Variants in GPC6 observed in about 807,000 individuals in gnomAD.
The protein encoded by GPC6 is glypican 6.
Under a neutral mutation model 55.2 loss-of-function variants are expected in GPC6, and 14 were observed. The ratio of observed to expected loss-of-function variants is 0.25; its 90% CI spans 0.17 to 0.40. GPC6 has a LOEUF of 0.40. Ranked by LOEUF, GPC6 falls within the 10% of genes least tolerant of loss-of-function variation. GPC6 has a pLI of 1.00. For missense variants in GPC6, 641 were observed against 708.5 expected (o/e 0.90, Z 1.08); for synonymous variants, 278 against 259.6 (o/e 1.07, Z -0.68).
chr13:93,457,530 G>C (rs1878500753), intron 1 of GPC6, among the ~76,000 whole-genome samples: 1 of 152,090 alleles, frequency 6.6e-6, no homozygotes, highest in Non-Finnish European at 1.5e-5. Flanking sequence ...TGGGGTTCTT[G>C]GTACTTCTTC....
intron 2 of GPC6, among the ~76,000 whole-genome samples, chr13:93,620,584 A>G (rs1214768967): frequency 1.3e-5 from 2 of 152,192 alleles, no homozygotes; most frequent in African/African-American, 4.8e-5. Context: ...GATGTTTTCA[A>G]TTACCATTAA....
At chr13:93,712,921 C>T (rs1299928203) in intron 2 of GPC6, among the ~76,000 whole-genome samples, 2 of 150,544 alleles carry the variant, frequency 1.3e-5, no homozygotes, top group African/African-American at 2.4e-5. Context: ...TGTATTAAGC[C>T]GCATTTTAAA....
chr13:93,556,380 G>A (rs1875469696), intron 2 of GPC6, among the ~76,000 whole-genome samples: 1 of 4,988 alleles, frequency 2.0e-4, no homozygotes, highest in Admixed American at 2.3e-3. Context: ...AATAGTGTGT[G>A]TGTGTGTGTG....
At chr13:93,475,104 G>A (rs1879254947) in intron 1 of GPC6, among the ~76,000 whole-genome samples, 3 of 151,962 alleles carry the variant, frequency 2.0e-5, no homozygotes, top group South Asian at 4.1e-4. Context: ...ATCATGCCAC[G>A]ACACTCCAGT....
chr13:93,747,830 G>A (rs1884450428), intron 2 of GPC6, among the ~76,000 whole-genome samples: 1 of 152,040 alleles, frequency 6.6e-6, no homozygotes, highest in South Asian at 2.1e-4. Context: ...GTTTACCAAG[G>A]CATAACCCCA....
rs182785398 is a variant in GPC6 at position 93,341,912 on chromosome 13, T to G, written c.160+114296T>G. Reference sequence around the variant, plus strand: ...ATTGATCCATCTTGAGTTAACTTTTTTTTTCTTTCTTTTTTTTTTTTTAAG... The same window carrying G: ...ATTGATCCATCTTGAGTTAACTTTTGTTTTCTTTCTTTTTTTTTTTTTAAG... On this transcript the variant is annotated intron_variant, in intron 1 of 8. Transcript: ENST00000377047. Among the ~76,000 whole-genome samples the G allele has an allele frequency of 1.7e-3, 263 of 151,716 alleles. 1 individual carries two copies. Among genetic ancestry groups the G allele is most frequent in the Admixed American group, 0.015 (230 of 15,240 alleles).
chr13:93,948,557 T>C (rs1238273649), intron 3 of GPC6, among the ~76,000 whole-genome samples: 2 of 152,210 alleles, frequency 1.3e-5, no homozygotes, highest in Admixed American at 1.3e-4. Context: ...TAAATTGTTG[T>C]CCCTGATACA....
rs183090378 is a variant in GPC6 at position 93,837,922 on chromosome 13, G to T, written c.711+7377G>T. The stretch of plus-strand genomic sequence containing the variant: ...TGTGAAACTGAATGATGTGTGCAGG[G>T]AGCTACAAGCATGTTATCCTTGAGC... On this transcript the variant is annotated intron_variant, in intron 3 of 8. Transcript: ENST00000377047. 2.4e-4 allele frequency among the ~76,000 whole-genome samples: 37 copies of T among 152,264 alleles called. No homozygotes were observed. The East Asian group carries it at 6.2e-3, about 25-fold the overall frequency.
chr13:94,105,719 T>C (rs1886029707), intron 4 of GPC6, among the ~76,000 whole-genome samples: 2 of 152,136 alleles, frequency 1.3e-5, no homozygotes, highest in African/African-American at 4.8e-5. Context: ...AACAATTAAA[T>C]AGAAAGCAAA....
intron 6 of GPC6, among the ~76,000 whole-genome samples, chr13:94,378,010 C>A (rs1043222344): frequency 3.2e-4 from 49 of 151,878 alleles, no homozygotes; most frequent in African/African-American, 1.2e-3. Context: ...AACACATGGA[C>A]AAAGGAAGGG....
chr13:93,224,187 C>A (rs191909014), upstream of GPC6, among the ~76,000 whole-genome samples: 520 of 119,610 alleles, frequency 4.3e-3, 2 homozygotes, highest in Non-Finnish European at 6.9e-3. Context: ...CGTGAGCCAC[C>A]GCGCCCGGCC....
intron 4 of GPC6, among the ~76,000 whole-genome samples, chr13:94,059,334 A>G (rs1419747271): frequency 6.6e-6 from 1 of 151,976 alleles, no homozygotes; most frequent in South Asian, 2.1e-4. Context: ...GCCTACATGG[A>G]AGGAAATGTT....
chr13:93,564,754 T>G (rs185981050), intron 2 of GPC6, among the ~76,000 whole-genome samples: 1 of 152,210 alleles, frequency 6.6e-6, no homozygotes, highest in Non-Finnish European at 1.5e-5. Context: ...ATTTTGTACA[T>G]GAATTACTTC....
At chr13:93,886,749 A>ATTTTTT (rs34726181) in intron 3 of GPC6, among the ~76,000 whole-genome samples, 1 of 135,340 alleles carries the variant, frequency 7.4e-6, no homozygotes, top group Non-Finnish European at 1.6e-5. Context: ...AGCATCTGTC[A>ATTTTTT]TTTTTTTTTT....
At chr13:94,116,907 G>C (rs1272416380) in intron 4 of GPC6, among the ~76,000 whole-genome samples, 1 of 152,040 alleles carries the variant, frequency 6.6e-6, no homozygotes, top group Admixed American at 6.6e-5. Flanking sequence ...TCAAGGCACT[G>C]TCATAATGAG....
At chr13:94,050,248 T>A (rs1883895244) in intron 4 of GPC6, among the ~76,000 whole-genome samples, 2 of 152,194 alleles carry the variant, frequency 1.3e-5, no homozygotes, top group Admixed American at 1.3e-4. Flanking sequence ...GTGTAAATAT[T>A]TGTTGAATAA....
Position 93,227,724 on chromosome 13 carries a change from T to C in GPC6, c.160+108T>C. Reference sequence around the variant, plus strand: ...CCCCTGTTGCTGAGTTGGTGCTCACTTTCTGCCACCGCTATGGGACTCCGC... The same window carrying C: ...CCCCTGTTGCTGAGTTGGTGCTCACCTTCTGCCACCGCTATGGGACTCCGC... On this transcript the variant is annotated intron_variant, in intron 1 of 8. Coordinates refer to ENST00000377047, the MANE Select transcript of GPC6 (RefSeq NM_005708.5). This position sits in a 1 kb window ranked among gnomAD's most constrained non-coding sequence, Gnocchi z 4.3. 1.2e-6 allele frequency: 1 copy of C among 845,376 alleles called. No homozygotes were observed. The allele number at this position is 845,376 out of a possible 1,614,324, so 52.4% of individuals were successfully genotyped here.
chr13:93,778,048 T>G (rs939264440), intron 2 of GPC6, among the ~76,000 whole-genome samples: 1 of 152,194 alleles, frequency 6.6e-6, no homozygotes, highest in African/African-American at 2.4e-5. Context: ...TTGCATAGGC[T>G]AATTGAGGGC....
intron 4 of GPC6, among the ~76,000 whole-genome samples, chr13:94,144,404 A>AACACACACACACACACACAC (rs59772537): frequency 1.4e-5 from 2 of 143,328 alleles, no homozygotes; most frequent in African/African-American, 5.2e-5. Context: ...GTGCTTTTAA[A>AACACACACACACACACACAC]ACACACACAC....
Sources: gnomAD v4.1 joint callset for allele counts (sites outside exome capture counted in the v4.1 genomes callset) on GRCh38, gnomAD v4.1.1 for gene constraint, Gnocchi (gnomAD v3.1) non-coding constraint, MANE v1.5 for transcripts, NCBI Gene and HGNC (gene_info 2026-07-23, HGNC 2026-07-21) for gene names.